UGGT2: variants seen among roughly 807,000 people sequenced by gnomAD.
UGGT2 encodes UDP-glucose glycoprotein glucosyltransferase 2.
In UGGT2, 180 loss-of-function variants were observed where a neutral mutation model predicts 192.1. That is an observed-to-expected ratio of 0.94 (90% CI 0.83 to 1.06). UGGT2 has a LOEUF of 1.06. Among genes scored for constraint, UGGT2 ranks in the 50% least tolerant of loss-of-function variants. The pLI is 0.00. For missense variants in UGGT2, 1,849 were observed against 1,795.7 expected (o/e 1.03, Z -0.54); for synonymous variants, 580 against 591.0 (o/e 0.98, Z 0.27).
chr13:95,968,181 G>C (rs2050649962), intron 12 of UGGT2, among the ~76,000 whole-genome samples: 1 of 152,012 alleles, frequency 6.6e-6, no homozygotes, highest in East Asian at 1.9e-4. Flanking sequence ...CAGATAAATA[G>C]TTACTTATTC....
At position 95,927,337 on chromosome 13, in the gene UGGT2, C is replaced by T; in HGVS notation, c.1978-1G>A. The T allele has an allele frequency of 6.3e-7, 1 of 1,589,824 alleles. No homozygotes were observed. Among genetic ancestry groups the T allele is most frequent in the Non-Finnish European group, 8.5e-7 (1 of 1,172,132 alleles). The stretch of plus-strand genomic sequence containing the variant: ...CATTCGTGCGATCATTTAATGTGCC[C>T]TAAAAAAACAAAAATGTTATTTAGA... On this transcript the variant is annotated splice_acceptor_variant, in intron 17 of 38. Transcript: ENST00000376747. LOFTEE classifies it high-confidence loss of function.
At chr13:96,013,756 A>G (rs1000743959) in intron 4 of UGGT2, among the ~76,000 whole-genome samples, 1 of 152,130 alleles carries the variant, frequency 6.6e-6, no homozygotes, top group African/African-American at 2.4e-5. Context: ...CACAATTTTC[A>G]GTGAAATAAA....
At chr13:95,840,366 T>C (rs1461222351) in intron 36 of UGGT2, among the ~76,000 whole-genome samples, 1 of 151,772 alleles carries the variant, frequency 6.6e-6, no homozygotes, top group Non-Finnish European at 1.5e-5. Context: ...AACAACCCCA[T>C]CAAAAAGTGG....
intron 1 of UGGT2, among the ~76,000 whole-genome samples, chr13:96,048,354 T>C (rs2053381158): frequency 1.3e-5 from 2 of 152,172 alleles, no homozygotes; most frequent in East Asian, 1.9e-4. Flanking sequence ...GGGAAATTTA[T>C]AGCACTAAAT....
chr13:95,944,274 T>G (rs181294868), intron 15 of UGGT2, among the ~76,000 whole-genome samples: 17 of 152,194 alleles, frequency 1.1e-4, no homozygotes, highest in African/African-American at 3.6e-4. Context: ...TTAGGTAATA[T>G]TTCCTCTTTT....
At chr13:96,021,773 T>G (rs770607848) in intron 4 of UGGT2, among the ~76,000 whole-genome samples, 1 of 152,136 alleles carries the variant, frequency 6.6e-6, no homozygotes, top group African/African-American at 2.4e-5. Flanking sequence ...AAAAAATAAT[T>G]GATAAAATAA....
chr13:95,820,695 A>T (rs1344994521), intron 38 of UGGT2, among the ~76,000 whole-genome samples: 2 of 151,310 alleles, frequency 1.3e-5, no homozygotes, highest in Non-Finnish European at 2.9e-5. Flanking sequence ...ATTTTAGTGT[A>T]CCCGTCACCT....
intron 5 of UGGT2, among the ~76,000 whole-genome samples, chr13:96,005,771 C>T (rs995281104): frequency 1.2e-4 from 19 of 152,134 alleles, no homozygotes; most frequent in Admixed American, 1.2e-3. Context: ...CACCTCAAGG[C>T]CAATCTAACA....
intron 12 of UGGT2, among the ~76,000 whole-genome samples, chr13:95,962,576 T>C (rs1010757259): frequency 2.6e-5 from 4 of 150,978 alleles, no homozygotes; most frequent in Non-Finnish European, 5.9e-5. Context: ...CAAAGAAGAG[T>C]CCAGGACTAG....
intron 20 of UGGT2, among the ~76,000 whole-genome samples, chr13:95,918,449 C>G (rs1198992200): frequency 1.3e-5 from 2 of 152,020 alleles, no homozygotes; most frequent in African/African-American, 4.8e-5. Context: ...AGTTAACAAC[C>G]TAACATCTCA....
At chr13:95,947,874 G>A (rs1048419433) in intron 14 of UGGT2, 122 bp downstream of exon 14, 1 of 690,616 alleles carries the variant, frequency 1.4e-6, no homozygotes, top group Non-Finnish European at 2.5e-6. Flanking sequence ...GTGCAGCTGT[G>A]TTATGTCAGG....
chr13:96,017,482 A>G (rs13378684), intron 4 of UGGT2, among the ~76,000 whole-genome samples: 7,669 of 152,254 alleles, frequency 0.05, 329 homozygotes, highest in East Asian at 0.15. Context: ...ATGTTTGTAC[A>G]GACTGCAGAA....
At chr13:96,002,403 C>T (rs913182934) in intron 5 of UGGT2, among the ~76,000 whole-genome samples, 1 of 152,194 alleles carries the variant, frequency 6.6e-6, no homozygotes, top group African/African-American at 2.4e-5. Context: ...TCATCACCAT[C>T]TAACATAAAT....
intron 26 of UGGT2, chr13:95,887,238 G>C (rs1192826105): frequency 7.9e-6 from 4 of 503,934 alleles, no homozygotes; most frequent in Non-Finnish European, 1.2e-5. Flanking sequence ...ACATTAAAAA[G>C]TCTTAAAAAG....
rs551570857 is a variant in UGGT2, at chr13:95,818,381, T to C, written c.4528+14546A>G. On this transcript the variant is annotated intron_variant, in intron 38 of 38. Transcript: ENST00000376747. ...AACATGGCGGCAGCTTATTTGTGAATTGTCCCTCTTTCTTGTTGTTAATAA... is the reference window on the plus strand; with the variant it reads ...AACATGGCGGCAGCTTATTTGTGAACTGTCCCTCTTTCTTGTTGTTAATAA... 7.9e-5 allele frequency among the ~76,000 whole-genome samples: 12 copies of C among 152,342 alleles called. No individual in the cohort carries two copies. In the South Asian group the frequency reaches 1.9e-3, roughly 24 times the overall value.
intron 36 of UGGT2, among the ~76,000 whole-genome samples, chr13:95,849,004 A>C (rs186066187): frequency 8.1e-4 from 124 of 152,288 alleles, no homozygotes; most frequent in African/African-American, 2.8e-3. Context: ...TACTAGATTT[A>C]TACTTAAATA....
At chr13:95,938,681 T>C (rs138498933) in intron 16 of UGGT2, among the ~76,000 whole-genome samples, 1 of 152,202 alleles carries the variant, frequency 6.6e-6, no homozygotes, top group East Asian at 1.9e-4. Context: ...AAGGATAAAC[T>C]CCTCCACTCC....
intron 38 of UGGT2, among the ~76,000 whole-genome samples, chr13:95,817,997 CT>C (rs1566540248): frequency 6.6e-6 from 1 of 152,072 alleles, no homozygotes; most frequent in Non-Finnish European, 1.5e-5. Flanking sequence ...GAATCAGAAC[CT>C]GGGAGAAAAA....
At chr13:95,867,499 ATTTTGCAATAAACGT>A in intron 29 of UGGT2, 76 bp from the exon 30 acceptor site, 1 of 1,233,604 alleles carries the variant, frequency 8.1e-7, no homozygotes, top group Non-Finnish European at 1.2e-6. Flanking sequence ...GAATAAACTC[ATTTTGCAATAAACGT>A]AAGTCCAATA....
Sources: gnomAD v4.1 joint callset for allele counts (sites outside exome capture counted in the v4.1 genomes callset) on GRCh38, gnomAD v4.1.1 for gene constraint, MANE v1.5 for transcripts, NCBI Gene and HGNC (gene_info 2026-07-23, HGNC 2026-07-21) for gene names.